Variants in USH2A observed in about 807,000 individuals in gnomAD.
USH2A encodes usherin.
Under a neutral mutation model 538.9 loss-of-function variants are expected in USH2A, and 443 were observed. The ratio of observed to expected loss-of-function variants is 0.82; its 90% CI spans 0.76 to 0.89. The LOEUF is 0.89. Among genes scored for constraint, USH2A ranks in the 40% least tolerant of loss-of-function variants. The pLI, the probability that USH2A is intolerant of heterozygous loss-of-function variation, is 0.00. For missense variants in USH2A, 6,633 were observed against 6,324.8 expected (o/e 1.05, Z -1.65); for synonymous variants, 2,413 against 2,273.5 (o/e 1.06, Z -1.75).
At chr1:215,663,525 T>A (rs1657508966) in intron 64 of USH2A, among the ~76,000 whole-genome samples, 1 of 152,166 alleles carries the variant, frequency 6.6e-6, no homozygotes, top group South Asian at 2.1e-4. Flanking sequence ...TTGGTGTGTG[T>A]AGCGTGCTAG....
intron 58 of USH2A, among the ~76,000 whole-genome samples, chr1:215,749,348 G>C (rs139700715): frequency 6.6e-6 from 1 of 152,176 alleles, no homozygotes. Context: ...AACATGGCTA[G>C]CCAAACCATG....
At chr1:216,009,062 A>T (rs553534668) in intron 32 of USH2A, among the ~76,000 whole-genome samples, 1 of 151,796 alleles carries the variant, frequency 6.6e-6, no homozygotes, top group South Asian at 2.1e-4. Context: ...CCAATACCTT[A>T]TTTCTGTGCC....
At chr1:215,633,988 C>T (rs955353407) in intron 70 of USH2A, among the ~76,000 whole-genome samples, 3 of 152,132 alleles carry the variant, frequency 2.0e-5, no homozygotes, top group Non-Finnish European at 4.4e-5. Context: ...ACCACTAGCA[C>T]TGTAGCCCCT....
chr1:216,335,035 T>C (rs1471310641), intron 4 of USH2A, among the ~76,000 whole-genome samples: 2 of 151,908 alleles, frequency 1.3e-5, no homozygotes, highest in East Asian at 1.9e-4. Flanking sequence ...TTCTCCAGGA[T>C]AGATTATATG....
chr1:215,700,991 G>A (rs1658996775), intron 61 of USH2A, among the ~76,000 whole-genome samples: 1 of 152,146 alleles, frequency 6.6e-6, no homozygotes, highest in Non-Finnish European at 1.5e-5. Flanking sequence ...GTGTCCCAGA[G>A]ATTCTGGTAT....
intron 56 of USH2A, among the ~76,000 whole-genome samples, chr1:215,763,091 A>C (rs1387046915): frequency 6.6e-6 from 1 of 152,172 alleles, no homozygotes; most frequent in Non-Finnish European, 1.5e-5. Flanking sequence ...TCAGGGATGC[A>C]CTGAATTCTG....
rs1002605849 is a variant in USH2A, at chr1:216,000,467, G to T, written c.6421C>A (p.Leu2141Met). The T allele has an allele frequency of 6.2e-7, 1 of 1,613,728 alleles. No homozygotes were observed. ...SSWVLLYTAQ[L>M]PPEHVDSPVL... ...GGGGAATCCACGTGTTCTGGTGGCAGCTGTGCTGTGTACAGTAGGACCCAG... is the reference window on the plus strand; with the variant it reads ...GGGGAATCCACGTGTTCTGGTGGCATCTGTGCTGTGTACAGTAGGACCCAG... Residue 2141 changes from leucine (L) to methionine (M), a missense_variant, in exon 33 of 72, where the codon CTG (leucine) becomes ATG (methionine). Transcript: ENST00000307340.
chr1:215,912,457 A>G (rs1291729997), intron 38 of USH2A, among the ~76,000 whole-genome samples: 4 of 36,824 alleles, frequency 1.1e-4, no homozygotes, highest in South Asian at 2.3e-3. Context: ...GTATGTGTAT[A>G]TATATATATA....
intron 21 of USH2A, among the ~76,000 whole-genome samples, chr1:216,114,522 AT>A (rs2032955271): frequency 6.6e-6 from 1 of 152,062 alleles, no homozygotes. Flanking sequence ...TTTCTAGTTC[AT>A]TTTTTACATA....
At chr1:216,041,839 A>G (rs1039726415) in intron 32 of USH2A, among the ~76,000 whole-genome samples, 8 of 151,424 alleles carry the variant, frequency 5.3e-5, no homozygotes, top group Non-Finnish European at 1.2e-4. Flanking sequence ...AATTAAAATA[A>G]AATAACTTTT....
chr1:216,243,342 G>T (rs879585351), intron 13 of USH2A, among the ~76,000 whole-genome samples: 1 of 152,256 alleles, frequency 6.6e-6, no homozygotes, highest in Non-Finnish European at 1.5e-5. Flanking sequence ...GTCATTAAAA[G>T]CATCTATTCG....
intron 3 of USH2A, among the ~76,000 whole-genome samples, chr1:216,370,238 G>T (rs2038680561): frequency 6.6e-6 from 1 of 151,768 alleles, no homozygotes; most frequent in African/African-American, 2.4e-5. Context: ...GTGCATTCCT[G>T]TAATTACAGC....
At chr1:216,420,170 C>T (rs1193909194) in intron 2 of USH2A, among the ~76,000 whole-genome samples, 1 of 151,888 alleles carries the variant, frequency 6.6e-6, no homozygotes, top group Non-Finnish European at 1.5e-5. Flanking sequence ...GAGTTTGCCC[C>T]TATTCATTTT....
chr1:216,254,792 C>G (rs1301304771), intron 11 of USH2A, among the ~76,000 whole-genome samples: 1 of 152,074 alleles, frequency 6.6e-6, no homozygotes, highest in Non-Finnish European at 1.5e-5. Context: ...ATGAGAGAGC[C>G]CAGAAGAGGT....
chr1:216,379,615 C>G (rs779875636), intron 3 of USH2A, among the ~76,000 whole-genome samples: 11 of 152,188 alleles, frequency 7.2e-5, no homozygotes, highest in Non-Finnish European at 1.0e-4. Flanking sequence ...ACCATCAGAA[C>G]AGCTGGATGA....
chr1:215,665,593 C>T (rs994401213), intron 64 of USH2A, among the ~76,000 whole-genome samples: 1 of 152,130 alleles, frequency 6.6e-6, no homozygotes, highest in Non-Finnish European at 1.5e-5. Flanking sequence ...AAGGTAAAAA[C>T]CAAAATGTCT....
At chr1:216,373,751 T>C (rs553155306) in intron 3 of USH2A, among the ~76,000 whole-genome samples, 1 of 130,942 alleles carries the variant, frequency 7.6e-6, no homozygotes, top group East Asian at 2.8e-4. Flanking sequence ...CCAAATCACA[T>C]GTTGCCTTTA....
intron 21 of USH2A, among the ~76,000 whole-genome samples, chr1:216,162,052 T>C (rs2034069781): frequency 6.6e-6 from 1 of 152,094 alleles, no homozygotes; most frequent in African/African-American, 2.4e-5. Context: ...CCTTATGGTT[T>C]GCTAAACTTT....
intron 30 of USH2A, among the ~76,000 whole-genome samples, chr1:216,065,179 T>C (rs923215049): frequency 3.9e-5 from 6 of 152,178 alleles, no homozygotes; most frequent in Non-Finnish European, 7.3e-5. Flanking sequence ...CTGCCCTACA[T>C]TGGTTTACAA....
Sources: allele counts gnomAD v4.1 joint callset (sites outside exome capture counted in the v4.1 genomes callset), GRCh38; gene constraint gnomAD v4.1.1; transcripts MANE v1.5; gene names NCBI Gene and HGNC (gene_info 2026-07-23, HGNC 2026-07-21).